Variants in PHC2 observed in about 807,000 individuals in gnomAD.
PHC2 encodes the protein polyhomeotic-like protein 2.
PHC2 carries 29 observed loss-of-function variants against 87.4 expected under a neutral mutation model. That is an observed-to-expected ratio of 0.33 (90% CI 0.25 to 0.45). The LOEUF is 0.45. PHC2 is among the 20% of genes least tolerant of loss of function. PHC2 has a pLI of 1.00. For synonymous variants in PHC2, 438 were observed against 461.7 expected (o/e 0.95, Z 0.66); for missense variants, 857 against 1,136.7 (o/e 0.75, Z 3.54).
At chr1:33,354,276 A>AC (rs1264370132) in intron 9 of PHC2, 125 bp downstream of exon 9, 3 of 855,364 alleles carry the variant, frequency 3.5e-6, no homozygotes, top group African/African-American at 1.7e-5. Context: ...TCTGTTTCCA[A>AC]CCCCCCAGCT....
At chr1:33,367,916 G>T (rs760839663) in intron 6 of PHC2, among the ~76,000 whole-genome samples, 2 of 152,168 alleles carry the variant, frequency 1.3e-5, no homozygotes, top group Non-Finnish European at 2.9e-5. Context: ...CAAGACGGCC[G>T]GCATGCTTAC....
rs992572330 is a variant in PHC2 at position 33,382,184 on chromosome 1, T to C, written c.-54-6591A>G. The stretch of plus-strand genomic sequence containing the variant: ...AGCTTTAAAACTTTTTTTTCTACAG[T>C]TCCCCTTTTTGAACCAGAGCTTTCA... On this transcript the variant is annotated intron_variant, in intron 1 of 14. Transcript: ENST00000683057. The surrounding 1 kb of genome is among the most constrained non-coding windows in gnomAD (Gnocchi z 4.3). Among the ~76,000 whole-genome samples the C allele has an allele frequency of 2.0e-5, 3 of 152,064 alleles. No homozygotes were observed. Among genetic ancestry groups the C allele is most frequent in the African/African-American group, 4.8e-5 (2 of 41,388 alleles).
Position 33,419,416 on chromosome 1 carries a change from G to A in PHC2, c.-55+11560C>T, listed in dbSNP as rs1436315268. On this transcript the variant is annotated intron_variant, in intron 1 of 14. Transcript: ENST00000683057. ...TCACTGGGTGGAAATCAAGGGGTCA[G>A]CAGGCTGTGCTCTCCCTCAGGAGGT... Among the ~76,000 whole-genome samples, 3 of 152,200 alleles carry A rather than the reference G, an allele frequency of 2.0e-5. No individual in the cohort carries two copies. The East Asian group carries it at 5.8e-4, about 29-fold the overall frequency.
rs762810660 is a variant in PHC2, at chr1:33,367,267, G to A, written c.825C>T (p.Ser275=). 9 of 1,614,044 alleles carry A rather than the reference G, an allele frequency of 5.6e-6. No homozygotes were observed. Among genetic ancestry groups the A allele is most frequent in the African/African-American group, 1.3e-5 (1 of 74,920 alleles). Residue 275 remains serine, a synonymous_variant, in exon 7 of 15, where the codon TCC becomes TCT. Coordinates refer to ENST00000683057, the MANE Select transcript of PHC2 (RefSeq NM_001385109.1). The stretch of plus-strand genomic sequence containing the variant: ...CTATGCCAGGCTTGGCACCTGCAGG[G>A]GAAGCCTGAGCAGTATTTCTGCTCT... ...PAQSRNTAQA[S]PAGAKPGIAD...
At chr1:33,347,205 G>A in intron 9 of PHC2, 2 of 985,440 alleles carry the variant, frequency 2.0e-6, no homozygotes, top group Non-Finnish European at 2.4e-6. Context: ...AGAAATCTCA[G>A]GGTCAGTCCG....
In PHC2 at chr1:33,367,248, C is replaced by A; in HGVS notation, c.844G>T (p.Gly282Cys). The change falls in exon 7 of 15, where the codon GGC becomes TGC. Residue 282 changes from glycine (G) to cysteine (C), a missense_variant. Gly to Cys is a radical substitution (Grantham distance 159). Transcript: ENST00000683057. ...GGCTCCATCACACTGTCAGCTATGC[C>A]AGGCTTGGCACCTGCAGGGGAAGCC... ...AQASPAGAKPGIADSVMEPHK... is the reference protein window; with the variant it reads ...AQASPAGAKPCIADSVMEPHK... 6.2e-7 allele frequency: 1 copy of A among 1,614,186 alleles called. No individual in the cohort carries two copies.
At chr1:33,424,735 G>C (rs1336689456) in intron 1 of PHC2, among the ~76,000 whole-genome samples, 1 of 152,110 alleles carries the variant, frequency 6.6e-6, no homozygotes, top group Non-Finnish European at 1.5e-5. Context: ...ATTTTTCTAA[G>C]GGCATCTGGC....
In PHC2 at chr1:33,331,616, G is replaced by A; in HGVS notation, c.1892-154C>T. 1 of 577,342 alleles carries A rather than the reference G, an allele frequency of 1.7e-6. No homozygotes were observed. Among genetic ancestry groups the A allele is most frequent in the Admixed American group, 3.0e-5 (1 of 33,156 alleles). The allele number at this position is 577,342 out of a possible 1,614,324, so 35.8% of individuals were successfully genotyped here. On this transcript the variant is annotated intron_variant, in intron 11 of 14. Coordinates refer to ENST00000683057, the MANE Select transcript of PHC2 (RefSeq NM_001385109.1). This position sits in a 1 kb window ranked among gnomAD's most constrained non-coding sequence, Gnocchi z 5.2. ...GCATTCTAGCATGGAAAATGCCAGT[G>A]GTTCTCACCCCTGGAATGCACTCAA... is the stretch of plus-strand genomic sequence containing the variant.
rs944079689 is a variant in PHC2, at chr1:33,382,306, G to C, written c.-54-6713C>G. Among the ~76,000 whole-genome samples, 2 of 152,130 alleles carry C rather than the reference G, an allele frequency of 1.3e-5. No homozygotes were observed. The highest frequency in any genetic ancestry group is 1.3e-4 in the Admixed American group (2 of 15,276). On this transcript the variant is annotated intron_variant, in intron 1 of 14. Transcript: ENST00000683057. The surrounding 1 kb of genome is among the most constrained non-coding windows in gnomAD (Gnocchi z 4.3). Reference sequence around the variant, plus strand: ...CTCAGTAAGGGCTACTGAGGCATCTGTGGACTCTCCTTACATCCTTCCCTC... The same window carrying C: ...CTCAGTAAGGGCTACTGAGGCATCTCTGGACTCTCCTTACATCCTTCCCTC...
intron 1 of PHC2, among the ~76,000 whole-genome samples, chr1:33,410,786 T>G (rs2148391135): frequency 6.6e-6 from 1 of 152,316 alleles, no homozygotes; most frequent in African/African-American, 2.4e-5. Context: ...ATTTAAGCAT[T>G]GATTTTAAAA....
chr1:33,383,610 A>G (rs1648595441), intron 1 of PHC2, among the ~76,000 whole-genome samples: 1 of 152,254 alleles, frequency 6.6e-6, no homozygotes, highest in Non-Finnish European at 1.5e-5. Context: ...AGGGATGTAC[A>G]GTGAAAGCCA....
At chr1:33,351,951 CAAAA>C (rs10718909) in intron 9 of PHC2, among the ~76,000 whole-genome samples, 3 of 87,426 alleles carry the variant, frequency 3.4e-5, no homozygotes, top group Non-Finnish European at 2.1e-5. Context: ...GAATGCATCT[CAAAA>C]AAAAAAAAAA....
intron 1 of PHC2, among the ~76,000 whole-genome samples, chr1:33,393,859 A>G (rs1649184583): frequency 6.6e-6 from 1 of 152,228 alleles, no homozygotes. Flanking sequence ...AGTTTTACAT[A>G]CTTGTAAGAC....
chr1:33,372,143 G>T, intron 3 of PHC2, 146 bp downstream of exon 3: 1 of 713,606 alleles, frequency 1.4e-6, no homozygotes, highest in African/African-American at 1.8e-5. Context: ...AGGAGATAAT[G>T]ACAGTAGTGC....
In PHC2 at chr1:33,349,369, G is replaced by T; in HGVS notation, c.1558+5032C>A. 1 of 985,426 alleles carries T rather than the reference G, an allele frequency of 1.0e-6. No homozygotes were observed. Among genetic ancestry groups the T allele is most frequent in the Non-Finnish European group, 1.2e-6 (1 of 829,944 alleles). The allele number at this position is 985,426 out of a possible 1,614,324, so 61.0% of individuals were successfully genotyped here. The stretch of plus-strand genomic sequence containing the variant: ...CGCGGAAGCTGCGGCGCGCCGAGGT[G>T]ACACGGCTTCCAGGGGCGACGGGCG... On this transcript the variant is annotated intron_variant, in intron 9 of 14. Coordinates refer to ENST00000683057, the MANE Select transcript of PHC2 (RefSeq NM_001385109.1). The surrounding 1 kb of genome is among the most constrained non-coding windows in gnomAD (Gnocchi z 4.2).
intron 1 of PHC2, among the ~76,000 whole-genome samples, chr1:33,393,462 G>GTT (rs1649158988): frequency 2.1e-5 from 2 of 97,224 alleles, no homozygotes; most frequent in East Asian, 3.4e-4. Flanking sequence ...CTTTTCAAGA[G>GTT]GTTTTTTTTT....
chr1:33,380,559 C>T (rs1023763172), intron 1 of PHC2, among the ~76,000 whole-genome samples: 9 of 152,184 alleles, frequency 5.9e-5, no homozygotes, highest in African/African-American at 1.7e-4. Context: ...ACATACACAC[C>T]ACATTGTGTT....
chr1:33,375,226 T>C (rs926850103), intron 2 of PHC2, 140 bp downstream of exon 2: 1 of 655,672 alleles, frequency 1.5e-6, no homozygotes, highest in Admixed American at 3.0e-5. Context: ...TATACACAAA[T>C]GTGTATCTAC....
intron 1 of PHC2, among the ~76,000 whole-genome samples, chr1:33,378,461 T>C (rs552062088): frequency 6.6e-6 from 1 of 152,354 alleles, no homozygotes; most frequent in East Asian, 1.9e-4. Flanking sequence ...TTGGCCAGAA[T>C]TGGGTTTCAT....
Sources: allele counts gnomAD v4.1 joint callset (sites outside exome capture counted in the v4.1 genomes callset), GRCh38; gene constraint gnomAD v4.1.1; non-coding constraint Gnocchi (gnomAD v3.1); transcripts MANE v1.5; gene names NCBI Gene and HGNC (gene_info 2026-07-23, HGNC 2026-07-21).